Variants in GRIK2 observed in about 807,000 individuals in gnomAD.
GRIK2 encodes the protein glutamate receptor ionotropic, kainate 2.
In GRIK2, 32 loss-of-function variants were observed where a neutral mutation model predicts 100.3. The observed-to-expected ratio is 0.32, with a 90% CI of 0.24 to 0.43. GRIK2 has a LOEUF of 0.43. Ranked by LOEUF, GRIK2 falls within the 20% of genes least tolerant of loss-of-function variation. GRIK2 has a pLI of 1.00. For synonymous variants in GRIK2, 417 were observed against 389.4 expected (o/e 1.07, Z -0.83); for missense variants, 843 against 1,114.9 (o/e 0.76, Z 3.47).
intron 7 of GRIK2, among the ~76,000 whole-genome samples, chr6:101,795,642 G>A (rs1255764195): frequency 6.6e-6 from 1 of 152,210 alleles, no homozygotes; most frequent in African/African-American, 2.4e-5. Flanking sequence ...GGACTCTCAG[G>A]CATCACATAC....
intron 9 of GRIK2, among the ~76,000 whole-genome samples, chr6:101,817,124 T>G (rs1781683020): frequency 6.6e-6 from 1 of 152,172 alleles, no homozygotes; most frequent in Non-Finnish European, 1.5e-5. Flanking sequence ...TGTAAAGAAA[T>G]GTAAATTGGC....
chr6:101,886,828 T>C (rs897008567), intron 11 of GRIK2, among the ~76,000 whole-genome samples: 142 of 140,444 alleles, frequency 1.0e-3, no homozygotes, highest in African/African-American at 3.6e-3. Flanking sequence ...ACCTTTTTTT[T>C]TTTTTTTTTT....
chr6:101,750,985 G>GA (rs1776751518), intron 7 of GRIK2, among the ~76,000 whole-genome samples: 1 of 152,098 alleles, frequency 6.6e-6, no homozygotes, highest in Admixed American at 6.6e-5. Flanking sequence ...GTGGTACAGT[G>GA]AAAAAAGTAC....
intron 12 of GRIK2, chr6:101,890,468 G>A (rs1260090554): frequency 6.6e-6 from 1 of 152,400 alleles, no homozygotes; most frequent in Non-Finnish European, 1.5e-5. Flanking sequence ...GGTGGCTGAT[G>A]CCTATAATCC....
At chr6:101,480,106 A>G (rs967862698) in intron 2 of GRIK2, among the ~76,000 whole-genome samples, 9 of 152,154 alleles carry the variant, frequency 5.9e-5, no homozygotes, top group African/African-American at 2.2e-4. Context: ...GAGTGGGGAA[A>G]GGTTATATGC....
chr6:101,852,275 A>G (rs946846947), intron 10 of GRIK2, among the ~76,000 whole-genome samples: 4 of 152,120 alleles, frequency 2.6e-5, no homozygotes, highest in Admixed American at 6.6e-5. Flanking sequence ...CTATACCTAC[A>G]TGCTTTATTT....
intron 2 of GRIK2, among the ~76,000 whole-genome samples, chr6:101,477,395 C>G (rs1207508136): frequency 1.3e-5 from 2 of 152,130 alleles, no homozygotes; most frequent in African/African-American, 2.4e-5. Context: ...CACAATGGCC[C>G]TTCTTGAGAG....
In GRIK2 at chr6:101,949,565, G is replaced by A. The variant is rs142562386; in HGVS notation, c.2085+20933G>A. On this transcript the variant is annotated intron_variant, in intron 14 of 16. Transcript: ENST00000369134. Reference sequence around the variant, plus strand: ...GATGTTCCCTGCCCTGTGTCCATGCGTTCTCATTGTTCAACTCCCACTTAT... The same window carrying A: ...GATGTTCCCTGCCCTGTGTCCATGCATTCTCATTGTTCAACTCCCACTTAT... 3.0e-4 allele frequency among the ~76,000 whole-genome samples: 45 copies of A among 152,106 alleles called. No homozygotes were observed. The East Asian group carries it at 5.0e-3, about 17-fold the overall frequency.
At chr6:101,437,218 C>A (rs1769772699) in intron 2 of GRIK2, among the ~76,000 whole-genome samples, 1 of 151,986 alleles carries the variant, frequency 6.6e-6, no homozygotes, top group Admixed American at 6.6e-5. Flanking sequence ...TGAGAAAAAT[C>A]CTCTGTTTCC....
At chr6:101,884,761 C>A (rs1287179581) in intron 11 of GRIK2, among the ~76,000 whole-genome samples, 1 of 152,000 alleles carries the variant, frequency 6.6e-6, no homozygotes, top group Non-Finnish European at 1.5e-5. Context: ...GAGTGGTTTT[C>A]TTTGAAAATT....
At chr6:101,664,438 C>T (rs1009132049) in intron 4 of GRIK2, among the ~76,000 whole-genome samples, 7 of 152,126 alleles carry the variant, frequency 4.6e-5, no homozygotes, top group African/African-American at 1.7e-4. Context: ...TAGCAATAAG[C>T]AAAGAGATAG....
chr6:101,416,516 C>CT (rs1562121833), intron 2 of GRIK2, among the ~76,000 whole-genome samples: 1 of 152,136 alleles, frequency 6.6e-6, no homozygotes, highest in Non-Finnish European at 1.5e-5. Context: ...ATCACATTGT[C>CT]ATCTCTGATG....
At chr6:101,847,124 A>G (rs75224942) in intron 10 of GRIK2, among the ~76,000 whole-genome samples, 2 of 152,100 alleles carry the variant, frequency 1.3e-5, no homozygotes, top group Admixed American at 1.3e-4. Flanking sequence ...TTTAATGTAG[A>G]TATATACAGC....
chr6:101,444,992 T>C (rs1770292496), intron 2 of GRIK2, among the ~76,000 whole-genome samples: 1 of 152,046 alleles, frequency 6.6e-6, no homozygotes, highest in South Asian at 2.1e-4. Flanking sequence ...TTCTCAGACA[T>C]TTCTTCTTCC....
At chr6:101,831,910 A>T (rs1782725363) in intron 10 of GRIK2, among the ~76,000 whole-genome samples, 1 of 152,174 alleles carries the variant, frequency 6.6e-6, no homozygotes, top group Admixed American at 6.6e-5. Context: ...GAACAAAATA[A>T]CTGAAGACTA....
At chr6:101,806,203 T>A (rs1409006260) in intron 9 of GRIK2, among the ~76,000 whole-genome samples, 1 of 152,050 alleles carries the variant, frequency 6.6e-6, no homozygotes, top group African/African-American at 2.4e-5. Context: ...CAGGCAATAC[T>A]TTTGCTTATG....
chr6:101,467,391 A>G (rs113743572), intron 2 of GRIK2, among the ~76,000 whole-genome samples: 164 of 152,328 alleles, frequency 1.1e-3, no homozygotes, highest in African/African-American at 3.8e-3. Flanking sequence ...AGATAAGCCA[A>G]TTAGGAATAG....
intron 2 of GRIK2, among the ~76,000 whole-genome samples, chr6:101,494,585 C>T (rs6909783): frequency 0.23 from 35,474 of 151,512 alleles, 5,016 homozygotes; most frequent in East Asian, 0.48. Context: ...TTATTTAGCT[C>T]AGGATAAATA....
chr6:101,651,978 A>T (rs959040057), intron 4 of GRIK2, among the ~76,000 whole-genome samples: 1 of 152,190 alleles, frequency 6.6e-6, no homozygotes. Flanking sequence ...AAGTCAAGTG[A>T]AGAAATCATG....
Sources: gnomAD v4.1 joint callset for allele counts (sites outside exome capture counted in the v4.1 genomes callset) on GRCh38, gnomAD v4.1.1 for gene constraint, MANE v1.5 for transcripts, NCBI Gene and HGNC (gene_info 2026-07-23, HGNC 2026-07-21) for gene names.